The following LYPD8 variants were observed in gnomAD, a reference collection of about 807,000 sequenced individuals.
The protein encoded by LYPD8 is LY6/PLAUR domain containing 8, also known as ly6/PLAUR domain-containing protein 8.
LYPD8 carries 8 observed loss-of-function variants against 1.7 expected under a neutral mutation model. That is an observed-to-expected ratio of 4.58 (90% CI 2.69 to 8.27). The LOEUF (loss-of-function observed/expected upper bound fraction) is 8.27, where lower values mean the gene tolerates loss of function less well. LYPD8 is among the 30% of genes most tolerant of loss of function. LYPD8 has a pLI of 0.00. For synonymous variants in LYPD8, 50 were observed against 43.6 expected, an observed-to-expected ratio of 1.15 and a Z score of -0.58; for missense variants, 112 against 102.3, an observed-to-expected ratio of 1.09 and a Z score of -0.41.
chr1:248,751,879 C>G lies in LYPD8; in HGVS notation c.-49-749G>C, dbSNP rs1015480672. Among the ~76,000 whole-genome samples the G allele has an allele frequency of 9.3e-4, 142 of 152,302 alleles. 2 individuals are homozygous for G. Among genetic ancestry groups the G allele is most frequent in the African/African-American group, 3.2e-3 (133 of 41,558 alleles). On this transcript the variant is annotated intron_variant, in intron 2 of 6. Transcript: ENST00000590317. ...CCATGCACTTCCAAATAGCGTGTCA[C>G]CAATGTCTCTGCACCTTGCATTCCC...
Position 248,739,458 on chromosome 1 carries a change from G to T in LYPD8, c.*153C>A, listed in dbSNP as rs1662542544. The T allele has an allele frequency of 3.0e-6, 3 of 992,698 alleles. No individual in the cohort carries two copies. Among genetic ancestry groups the T allele is most frequent in the Non-Finnish European group, 4.4e-6 (3 of 684,774 alleles). The allele number at this position is 992,698 out of a possible 1,614,324, so 61.5% of individuals were successfully genotyped here. On this transcript the variant is annotated 3_prime_UTR_variant, in exon 7 of 7. Coordinates refer to ENST00000590317, the MANE Select transcript of LYPD8 (RefSeq NM_001085474.2). The surrounding 1 kb of genome is among the most constrained non-coding windows in gnomAD (Gnocchi z 4.3). ...CAGTGCTTTAATAATGAAGAACAAG[G>T]CAGCTGTCGGCATTGCCTGGAGACC...
At chr1:248,754,185 C>T (rs990865068) in intron 2 of LYPD8, among the ~76,000 whole-genome samples, 185 of 147,958 alleles carry the variant, frequency 1.3e-3, no homozygotes, top group African/African-American at 3.7e-3. Flanking sequence ...AGGTACACAC[C>T]GAACACACAC....
chr1:248,754,834 G>A (rs1468827768), intron 2 of LYPD8, among the ~76,000 whole-genome samples: 1 of 152,002 alleles, frequency 6.6e-6, no homozygotes, highest in Non-Finnish European at 1.5e-5. Flanking sequence ...TCCAGGCCCG[G>A]TGCACCCCTA....
In LYPD8 at chr1:248,752,588, ACCACACACC is replaced by A. The variant is rs1318534934; in HGVS notation, c.-49-1467_-49-1459del. On this transcript the variant is annotated intron_variant, in intron 2 of 6. Transcript: ENST00000590317. The stretch of plus-strand genomic sequence containing the variant: ...TCATGAACACACACATCACACACAC[ACCACACACC>A]CCACACACCCCACACACATCACACA... Among the ~76,000 whole-genome samples, 210 of 120,496 alleles carry A rather than the reference ACCACACACC, an allele frequency of 1.7e-3. 1 individual carries two copies. The highest frequency in any genetic ancestry group is 0.011 in the South Asian group (43 of 3,748). The allele number at this position is 120,496 out of a possible 152,430, so 79.1% of individuals were successfully genotyped here. A position where few individuals can be genotyped will look rare whatever the true frequency, so the allele number is the denominator to read the frequency against.
chr1:248,752,788 A>G (rs1662830389), intron 2 of LYPD8, among the ~76,000 whole-genome samples: 1 of 97,166 alleles, frequency 1.0e-5, no homozygotes, highest in African/African-American at 4.5e-5. Context: ...CACACACCAC[A>G]CACACACCAC....
intron 2 of LYPD8, among the ~76,000 whole-genome samples, chr1:248,751,552 T>C (rs1662803002): frequency 6.6e-6 from 1 of 152,158 alleles, no homozygotes; most frequent in African/African-American, 2.4e-5. Context: ...AAGGGTTCTG[T>C]TGCTGCCACC....
intron 2 of LYPD8, among the ~76,000 whole-genome samples, chr1:248,752,499 C>A (rs1281212730): frequency 6.7e-6 from 1 of 149,378 alleles, no homozygotes; most frequent in African/African-American, 2.5e-5. Flanking sequence ...CATCACCCCC[C>A]ACACACACCA....
chr1:248,749,638 TC>T (rs1247735264), intron 4 of LYPD8, among the ~76,000 whole-genome samples: 6 of 152,090 alleles, frequency 3.9e-5, no homozygotes, highest in Non-Finnish European at 8.8e-5. Flanking sequence ...ATTCATGACA[TC>T]AATGCATTCA....
intron 6 of LYPD8, among the ~76,000 whole-genome samples, chr1:248,744,753 C>T (rs1232120157): frequency 9.2e-5 from 14 of 152,354 alleles, no homozygotes; most frequent in African/African-American, 3.4e-4. Flanking sequence ...AAGCCAACAC[C>T]TCTTAGTGAC....
intron 6 of LYPD8, among the ~76,000 whole-genome samples, chr1:248,743,281 A>G (rs529232388): frequency 4.4e-4 from 67 of 152,282 alleles, no homozygotes; most frequent in African/African-American, 1.5e-3. Context: ...CCTGGCCAAC[A>G]TGGCGAAACC....
intron 2 of LYPD8, among the ~76,000 whole-genome samples, chr1:248,753,152 A>C (rs1662851101): frequency 7.1e-5 from 6 of 84,996 alleles, no homozygotes; most frequent in African/African-American, 9.5e-5. Flanking sequence ...ACACACAAAC[A>C]CCCCACACAC....
intron 5 of LYPD8, 35 bp downstream of exon 5, chr1:248,748,254 C>G: frequency 1.2e-5 from 5 of 402,508 alleles, no homozygotes; most frequent in Non-Finnish European, 2.2e-5. Flanking sequence ...CGGCCAGCAC[C>G]CACCCAGGGC....
intron 2 of LYPD8, among the ~76,000 whole-genome samples, chr1:248,752,449 C>G (rs1410966101): frequency 6.6e-6 from 1 of 151,708 alleles, no homozygotes; most frequent in Non-Finnish European, 1.5e-5. Flanking sequence ...CAATCGCCTT[C>G]ATCTGGAAGC....
At chr1:248,745,522 A>G (rs1349991626) in intron 5 of LYPD8, among the ~76,000 whole-genome samples, 1 of 152,214 alleles carries the variant, frequency 6.6e-6, no homozygotes, top group East Asian at 1.9e-4. Flanking sequence ...GTGTTTGGGT[A>G]TAGACTGAGA....
rs186212478 is a variant in LYPD8, at chr1:248,742,225, G to A, written c.476-2376C>T. Among the ~76,000 whole-genome samples, 1,367 of 136,780 alleles carry A rather than the reference G, an allele frequency of 1.0e-2. 9 individuals carry two copies. Among genetic ancestry groups the A allele is most frequent in the Non-Finnish European group, 0.015 (986 of 64,272 alleles). The allele number at this position is 136,780 out of a possible 152,430, so 89.7% of individuals were successfully genotyped here. A position where few individuals can be genotyped will look rare whatever the true frequency, so the allele number is the denominator to read the frequency against. On this transcript the variant is annotated intron_variant, in intron 6 of 6. Coordinates refer to ENST00000590317, the MANE Select transcript of LYPD8 (RefSeq NM_001085474.2). Reference sequence around the variant, plus strand: ...GGATGTTGGCAGCGGGGGAGATTACGCTCTGGTGGGGATGTTGGCAGCCGG... The same window carrying A: ...GGATGTTGGCAGCGGGGGAGATTACACTCTGGTGGGGATGTTGGCAGCCGG...
In LYPD8 at chr1:248,739,905, A is replaced by G; in HGVS notation, c.476-56T>C. The G allele has an allele frequency of 6.5e-7, 1 of 1,543,938 alleles. No individual in the cohort carries two copies. Among genetic ancestry groups the G allele is most frequent in the Non-Finnish European group, 8.7e-7 (1 of 1,143,174 alleles). ...CACTCAGTCCTTTGTCCTTCCACCCACGCCTGCTCTTAGTTCTTCACCTGC... is the reference window on the plus strand; with the variant it reads ...CACTCAGTCCTTTGTCCTTCCACCCGCGCCTGCTCTTAGTTCTTCACCTGC... On this transcript the variant is annotated intron_variant, in intron 6 of 6. Transcript: ENST00000590317. This position sits in a 1 kb window ranked among gnomAD's most constrained non-coding sequence, Gnocchi z 4.3.
Position 248,741,093 on chromosome 1 carries a change from G to A in LYPD8, c.476-1244C>T, listed in dbSNP as rs537423730. Among the ~76,000 whole-genome samples the A allele has an allele frequency of 3.0e-4, 46 of 152,106 alleles. No individual in the cohort carries two copies. The East Asian group carries it at 3.1e-3, about 10-fold the overall frequency. ...CGCACCCCTGCATTCCGGCCCGGGC[G>A]ACAGAGCGAGACCCTGTCTTGAACA... is the stretch of plus-strand genomic sequence containing the variant. On this transcript the variant is annotated intron_variant, in intron 6 of 6. Coordinates refer to ENST00000590317, the MANE Select transcript of LYPD8 (RefSeq NM_001085474.2).
chr1:248,754,966 G>A (rs1662898981), intron 2 of LYPD8, among the ~76,000 whole-genome samples: 1 of 149,888 alleles, frequency 6.7e-6, no homozygotes, highest in Admixed American at 6.6e-5. Flanking sequence ...CAGTGTGATG[G>A]AGGAGGGGAA....
At chr1:248,743,537 C>A (rs573031013) in intron 6 of LYPD8, among the ~76,000 whole-genome samples, 1 of 152,322 alleles carries the variant, frequency 6.6e-6, no homozygotes, top group Admixed American at 6.5e-5. Context: ...CTGAAAAATC[C>A]ATGATTACAG....
Sources: gnomAD v4.1 joint callset for allele counts (sites outside exome capture counted in the v4.1 genomes callset) on GRCh38, gnomAD v4.1.1 for gene constraint, Gnocchi (gnomAD v3.1) non-coding constraint, MANE v1.5 for transcripts, NCBI Gene and HGNC (gene_info 2026-07-23, HGNC 2026-07-21) for gene names.